TLK1: variants seen among roughly 807,000 people sequenced by gnomAD.
TLK1 encodes serine/threonine-protein kinase tousled-like 1.
In TLK1, 24 loss-of-function variants were observed where a neutral mutation model predicts 105.3. That is an observed-to-expected ratio of 0.23 (90% CI 0.17 to 0.32). The LOEUF (loss-of-function observed/expected upper bound fraction) is 0.32. Ranked by LOEUF, TLK1 falls within the 10% of genes least tolerant of loss-of-function variation. TLK1 has a pLI of 1.00. For missense variants in TLK1, 558 were observed against 910.5 expected (o/e 0.61, Z 4.98); for synonymous variants, 321 against 310.4 (o/e 1.03, Z -0.36).
chr2:171,130,626 G>C (rs1691064979), intron 1 of TLK1, among the ~76,000 whole-genome samples: 1 of 152,146 alleles, frequency 6.6e-6, no homozygotes, highest in African/African-American at 2.4e-5. Context: ...GAAAGCAACA[G>C]AAGGAACATA....
chr2:171,008,578 C>A (rs1684753349), intron 14 of TLK1, among the ~76,000 whole-genome samples: 1 of 152,138 alleles, frequency 6.6e-6, no homozygotes, highest in African/African-American at 2.4e-5. Flanking sequence ...TAGAAGTATA[C>A]CTTTCCATAA....
At chr2:171,023,017 G>C (rs1432472518) in intron 12 of TLK1, 1 of 469,358 alleles carries the variant, frequency 2.1e-6, no homozygotes. Context: ...TTTCATCATG[G>C]AAGATTAATA....
At chr2:171,124,409 T>C (rs1690785625) in intron 1 of TLK1, among the ~76,000 whole-genome samples, 1 of 152,212 alleles carries the variant, frequency 6.6e-6, no homozygotes, top group Admixed American at 6.5e-5. Flanking sequence ...TTGAGGGCAG[T>C]TCTCTTTATT....
At chr2:171,205,322 GC>G (rs1693483330) in intron 1 of TLK1, among the ~76,000 whole-genome samples, 1 of 115,528 alleles carries the variant, frequency 8.7e-6, no homozygotes, top group African/African-American at 2.7e-5. Context: ...TTCTAAGACA[GC>G]TTTTTTTTTT....
chr2:170,991,397 ATTAGCCATCTTGG>A lies in TLK1; in HGVS notation c.*2370_*2382del, dbSNP rs1004106716. ...AAAGTAAGTTATTCAATGTGGCTAA[ATTAGCCATCTTGG>A]TTAGCCATCTTGGACCTGCTGGGTC... On this transcript the variant is annotated 3_prime_UTR_variant, in exon 21 of 21. Coordinates refer to ENST00000431350, the MANE Select transcript of TLK1 (RefSeq NM_012290.5). 32 of 152,346 alleles carry A rather than the reference ATTAGCCATCTTGG, an allele frequency of 2.1e-4. No individual in the cohort carries two copies. Among genetic ancestry groups the A allele is most frequent in the African/African-American group, 6.3e-4 (26 of 41,588 alleles). 9.4% of individuals were successfully genotyped at this position (152,346 alleles called of 1,614,324 possible). A position where few individuals can be genotyped will look rare whatever the true frequency, so the allele number is the denominator to read the frequency against.
intron 14 of TLK1, 134 bp downstream of exon 14, chr2:171,011,239 A>G: frequency 1.5e-6 from 1 of 650,686 alleles, no homozygotes; most frequent in Non-Finnish European, 2.4e-6. Flanking sequence ...GGCCTCAGGC[A>G]CCCTCCCATC....
intron 1 of TLK1, among the ~76,000 whole-genome samples, chr2:171,144,162 G>C (rs1473186995): frequency 1.3e-5 from 2 of 152,146 alleles, no homozygotes; most frequent in African/African-American, 4.8e-5. Context: ...CTTTATGACA[G>C]AGCCCCAAAT....
intron 1 of TLK1, among the ~76,000 whole-genome samples, chr2:171,145,551 T>C (rs1263162253): frequency 1.4e-5 from 2 of 148,080 alleles, no homozygotes; most frequent in South Asian, 2.1e-4. Context: ...GATTGTGCCA[T>C]AGCACTCCAG....
upstream of TLK1, among the ~76,000 whole-genome samples, chr2:171,165,425 C>T (rs181582675): frequency 1.6e-4 from 24 of 152,218 alleles, no homozygotes; most frequent in East Asian, 3.7e-3. Flanking sequence ...GTCTGAGCCC[C>T]GATCTATAGG....
At chr2:171,020,537 A>G (rs1575521648) in intron 12 of TLK1, among the ~76,000 whole-genome samples, 1 of 146,870 alleles carries the variant, frequency 6.8e-6, no homozygotes, top group East Asian at 2.0e-4. Flanking sequence ...GAGACTGTCT[A>G]AAAAAAAAAA....
intron 1 of TLK1, among the ~76,000 whole-genome samples, chr2:171,219,819 T>G (rs2105330049): frequency 6.6e-6 from 1 of 152,276 alleles, no homozygotes; most frequent in South Asian, 2.1e-4. Context: ...CAGGCTAGTC[T>G]CAAACTCCTG....
At chr2:171,168,428 G>T (rs1205596059) in intron 1 of TLK1, among the ~76,000 whole-genome samples, 3 of 152,140 alleles carry the variant, frequency 2.0e-5, no homozygotes, top group Non-Finnish European at 4.4e-5. Context: ...GTAAGAGCGG[G>T]GATTCTGAGC....
intron 1 of TLK1, among the ~76,000 whole-genome samples, chr2:171,195,330 C>T (rs1194424809): frequency 4.0e-5 from 6 of 151,856 alleles, no homozygotes; most frequent in Admixed American, 2.6e-4. Context: ...GGTGAAACCC[C>T]GTCTCTACTA....
intron 10 of TLK1, 77 bp downstream of exon 10, chr2:171,049,737 T>C (rs1396081025): frequency 6.4e-7 from 1 of 1,563,934 alleles, no homozygotes; most frequent in African/African-American, 1.4e-5. Context: ...GAGAGCATAA[T>C]TACAAATCTA....
At chr2:171,066,650 A>G (rs1055321824) in intron 3 of TLK1, among the ~76,000 whole-genome samples, 2 of 152,228 alleles carry the variant, frequency 1.3e-5, no homozygotes, top group Non-Finnish European at 2.9e-5. Context: ...CACTGCATTC[A>G]CACATGTTTA....
chr2:171,134,880 C>A (rs556523630), intron 1 of TLK1, among the ~76,000 whole-genome samples: 9 of 151,976 alleles, frequency 5.9e-5, no homozygotes, highest in African/African-American at 2.2e-4. Context: ...GGATTACAGG[C>A]ATGTGCCACT....
At chr2:171,072,205 G>C (rs185872741) in intron 3 of TLK1, among the ~76,000 whole-genome samples, 1 of 152,178 alleles carries the variant, frequency 6.6e-6, no homozygotes. Context: ...CATTTTAAAA[G>C]TATTGATGCT....
intron 1 of TLK1, among the ~76,000 whole-genome samples, chr2:171,229,014 G>C (rs1406770741): frequency 6.6e-6 from 1 of 152,178 alleles, no homozygotes. Context: ...CCACTCAGTG[G>C]TAGATTCTTG....
intron 2 of TLK1, among the ~76,000 whole-genome samples, chr2:171,114,403 A>G (rs560149152): frequency 6.6e-6 from 1 of 152,344 alleles, no homozygotes; most frequent in South Asian, 2.1e-4. Flanking sequence ...TCACATGAGT[A>G]CATAAAAGTA....
Sources: allele counts gnomAD v4.1 joint callset (sites outside exome capture counted in the v4.1 genomes callset), GRCh38; gene constraint gnomAD v4.1.1; transcripts MANE v1.5; gene names NCBI Gene and HGNC (gene_info 2026-07-23, HGNC 2026-07-21).